The following ATP6V0D2 variants were observed in gnomAD, a reference collection of about 807,000 sequenced individuals.
The protein encoded by ATP6V0D2 is ATPase H+ transporting V0 subunit d2.
ATP6V0D2 carries 40 observed loss-of-function variants against 40.0 expected under a neutral mutation model. The observed-to-expected ratio is 1.00, with a 90% confidence interval of 0.78 to 1.30. ATP6V0D2 has a LOEUF of 1.30. Among genes scored for constraint, ATP6V0D2 ranks in the 50% most tolerant of loss-of-function variants. The pLI is 0.00. For missense variants in ATP6V0D2, 470 were observed against 423.1 expected, an observed-to-expected ratio of 1.11 and a Z score of -0.97; for synonymous variants, 179 against 156.3, an observed-to-expected ratio of 1.15 and a Z score of -1.08.
At chr8:86,151,581 T>C (rs1819153901) in intron 7 of ATP6V0D2, 41 bp downstream of exon 7, 1 of 1,477,372 alleles carries the variant, frequency 6.8e-7, no homozygotes, top group Middle Eastern at 1.7e-4. Context: ...ATTTTTCTCT[T>C]ACTGTGGATT....
chr8:86,122,464 A>G (rs903332949), intron 2 of ATP6V0D2, among the ~76,000 whole-genome samples: 3 of 152,184 alleles, frequency 2.0e-5, no homozygotes, highest in Non-Finnish European at 4.4e-5. Context: ...GGTACTGAAC[A>G]CCTTAGTTTA....
chr8:86,125,783 C>A (rs1438786168), intron 2 of ATP6V0D2, among the ~76,000 whole-genome samples: 1 of 151,758 alleles, frequency 6.6e-6, no homozygotes, highest in African/African-American at 2.4e-5. Context: ...CATAGTTGGG[C>A]TTATTGTTTG....
Position 86,141,449 on chromosome 8 carries a change from G to C in ATP6V0D2, c.482-1G>C, listed in dbSNP as rs1818970983. ...TTTGGTATGGCAATTTCTGCTTTCA[G>C]CTCCATTCTTCCAAGACTGCATGTC... On this transcript the variant is annotated splice_acceptor_variant, in intron 3 of 7. Coordinates refer to ENST00000285393, the MANE Select transcript of ATP6V0D2 (RefSeq NM_152565.1). LOFTEE classifies it high-confidence loss of function. 6.2e-7 allele frequency: 1 copy of C among 1,608,714 alleles called. No homozygotes were observed. The highest frequency in any genetic ancestry group is 8.5e-7 in the Non-Finnish European group (1 of 1,177,516).
rs75594898 is a variant in ATP6V0D2 at position 86,142,996 on chromosome 8, C to T, written c.639+42C>T. The T allele has an allele frequency of 0.13, 180,598 of 1,377,002 alleles. 13,346 individuals are homozygous for T. Among genetic ancestry groups the T allele is most frequent in the Non-Finnish European group, 0.15 (145,947 of 983,790 alleles). The allele number at this position is 1,377,002 out of a possible 1,614,324, so 85.3% of individuals were successfully genotyped here. On this transcript the variant is annotated intron_variant, in intron 5 of 7. Transcript: ENST00000285393. ...GAATTTTGTTATGCTAAATAAGGTG[C>T]TTACATATTTTTATTGTTTTAACCT...
chr8:86,104,502 CTT>C (rs1818442919), intron 1 of ATP6V0D2, among the ~76,000 whole-genome samples: 2 of 152,202 alleles, frequency 1.3e-5, no homozygotes, highest in Non-Finnish European at 2.9e-5. Context: ...GCATGGCACT[CTT>C]TAGTAAAAAG....
intron 2 of ATP6V0D2, among the ~76,000 whole-genome samples, chr8:86,130,334 A>C (rs1375831100): frequency 6.6e-6 from 1 of 152,202 alleles, no homozygotes; most frequent in East Asian, 1.9e-4. Flanking sequence ...ATATCGATTC[A>C]TTAATTATAA....
intron 5 of ATP6V0D2, among the ~76,000 whole-genome samples, chr8:86,145,363 AAGGAAGG>A (rs1173781481): frequency 9.8e-4 from 79 of 80,928 alleles, no homozygotes; most frequent in African/African-American, 3.5e-3. Flanking sequence ...GGAAGGAAGG[AAGGAAGG>A]AAGGAAAGAA....
rs59915079 is a variant in ATP6V0D2 at position 86,101,462 on chromosome 8, GAAAAAAAAAA to G, written c.130+2368_130+2377del. Reference sequence around the variant, plus strand: ...GCGACAGAGTGAGACCCTGTCTCAGGAAAAAAAAAAAAAAAAAAAAAAAGAATTCTAGAAA... The same window carrying G: ...GCGACAGAGTGAGACCCTGTCTCAGGAAAAAAAAAAAAAGAATTCTAGAAA... On this transcript the variant is annotated intron_variant, in intron 1 of 7. Transcript: ENST00000285393. Among the ~76,000 whole-genome samples, 22 of 78,204 alleles carry G rather than the reference GAAAAAAAAAA, an allele frequency of 2.8e-4. No homozygotes were observed. In the East Asian group the frequency reaches 7.6e-3, roughly 27 times the overall value. 51.3% of individuals were successfully genotyped at this position (78,204 alleles called of 152,430 possible). A position where few individuals can be genotyped will look rare whatever the true frequency, so the allele number is the denominator to read the frequency against.
At chr8:86,104,012 A>G (rs991834303) in intron 1 of ATP6V0D2, among the ~76,000 whole-genome samples, 1 of 151,980 alleles carries the variant, frequency 6.6e-6, no homozygotes, top group African/African-American at 2.4e-5. Flanking sequence ...TTTTTAGTAG[A>G]GATGGGGTCT....
intron 1 of ATP6V0D2, among the ~76,000 whole-genome samples, chr8:86,113,055 A>G (rs1350004168): frequency 6.6e-6 from 1 of 151,958 alleles, no homozygotes; most frequent in Admixed American, 6.6e-5. Context: ...GAGCATTTGT[A>G]TCCTCAACAG....
chr8:86,127,702 GA>G (rs1818764074), intron 2 of ATP6V0D2, among the ~76,000 whole-genome samples: 1 of 152,146 alleles, frequency 6.6e-6, no homozygotes, highest in Admixed American at 6.5e-5. Context: ...AAGATTACAG[GA>G]ATGAGCCACA....
At chr8:86,126,409 G>T (rs1818747013) in intron 2 of ATP6V0D2, among the ~76,000 whole-genome samples, 1 of 151,094 alleles carries the variant, frequency 6.6e-6, no homozygotes, top group Non-Finnish European at 1.5e-5. Flanking sequence ...TACTCTTCCT[G>T]ATGCTCTCCC....
Position 86,150,271 on chromosome 8 carries a change from G to C in ATP6V0D2, c.799G>C (p.Val267Leu). The C allele has an allele frequency of 6.2e-7, 1 of 1,613,300 alleles. No individual in the cohort carries two copies. Among genetic ancestry groups the C allele is most frequent in the Non-Finnish European group, 8.5e-7 (1 of 1,179,856 alleles). ...AGAAGACTTTGACCAGATGAAGAACGTAGCGGATCATTACGGAGTATGTGA... is the reference window on the plus strand; with the variant it reads ...AGAAGACTTTGACCAGATGAAGAACCTAGCGGATCATTACGGAGTATGTGA... ...QAEDFDQMKNVADHYGVYKPL... is the reference protein window; with the variant it reads ...QAEDFDQMKNLADHYGVYKPL... Residue 267 changes from valine to leucine, a missense_variant, in exon 6 of 8, where the codon GTA becomes CTA. Physicochemically the swap from Val to Leu is conservative, Grantham distance 32 (BLOSUM62 1). Coordinates refer to ENST00000285393, the MANE Select transcript of ATP6V0D2 (RefSeq NM_152565.1).
intron 2 of ATP6V0D2, among the ~76,000 whole-genome samples, chr8:86,118,819 A>G (rs1010106419): frequency 2.0e-5 from 3 of 152,158 alleles, no homozygotes; most frequent in Non-Finnish European, 4.4e-5. Flanking sequence ...CTTTACAAAT[A>G]TTACCTCATT....
intron 1 of ATP6V0D2, among the ~76,000 whole-genome samples, chr8:86,099,682 C>G (rs935807413): frequency 2.0e-5 from 3 of 152,092 alleles, no homozygotes; most frequent in Admixed American, 1.3e-4. Flanking sequence ...TTTGGAGAGA[C>G]GGGTTTTCAC....
intron 2 of ATP6V0D2, among the ~76,000 whole-genome samples, chr8:86,133,187 A>G (rs909022177): frequency 1.3e-5 from 2 of 151,608 alleles, no homozygotes; most frequent in Admixed American, 1.3e-4. Context: ...TGCCTCATAC[A>G]CTCCTAACTG....
chr8:86,118,410 T>C (rs1818625430), intron 2 of ATP6V0D2, among the ~76,000 whole-genome samples: 1 of 152,048 alleles, frequency 6.6e-6, no homozygotes, highest in Non-Finnish European at 1.5e-5. Flanking sequence ...ATATGTGGTG[T>C]ATTTTGTTGG....
intron 5 of ATP6V0D2, among the ~76,000 whole-genome samples, chr8:86,149,077 C>CAAAAAAAAAG (rs1819109621): frequency 5.6e-5 from 2 of 35,776 alleles, no homozygotes; most frequent in Non-Finnish European, 1.2e-4. Flanking sequence ...AAAAAAAAAC[C>CAAAAAAAAAG]AATGAACAAG....
chr8:86,125,988 AGTGCAGGT>A (rs1443211971), intron 2 of ATP6V0D2, among the ~76,000 whole-genome samples: 1 of 149,932 alleles, frequency 6.7e-6, no homozygotes, highest in African/African-American at 2.4e-5. Flanking sequence ...CCCAGGCTAG[AGTGCAGGT>A]GTGTGATCTT....
Sources: gnomAD v4.1 joint callset for allele counts (sites outside exome capture counted in the v4.1 genomes callset) on GRCh38, gnomAD v4.1.1 for gene constraint, MANE v1.5 for transcripts, NCBI Gene and HGNC (gene_info 2026-07-23, HGNC 2026-07-21) for gene names.